The following CPZ variants were observed in gnomAD, a reference collection of about 807,000 sequenced individuals.
The protein encoded by CPZ is VEZT/CPZ fusion.
CPZ carries 103 observed loss-of-function variants against 61.8 expected under a neutral mutation model. That is an observed-to-expected ratio of 1.67 (90% CI 1.42 to 1.96). CPZ has a LOEUF of 1.96. CPZ is among the 30% of genes most tolerant of loss of function. CPZ has a pLI of 0.00. For synonymous variants in CPZ, 551 were observed against 373.7 expected, an observed-to-expected ratio of 1.47 and a Z score of -5.47; for missense variants, 1,461 against 914.9, an observed-to-expected ratio of 1.60 and a Z score of -7.70.
intron 7 of CPZ, among the ~76,000 whole-genome samples, chr4:8,611,500 A>AG (rs1190158314): frequency 6.6e-6 from 1 of 150,526 alleles, no homozygotes; most frequent in African/African-American, 2.4e-5. Flanking sequence ...GTAGTCAGGG[A>AG]GGGGCTTCCT....
intron 1 of CPZ, among the ~76,000 whole-genome samples, chr4:8,596,214 G>T (rs1157532993): frequency 6.6e-6 from 1 of 152,168 alleles, no homozygotes; most frequent in Non-Finnish European, 1.5e-5. Flanking sequence ...ACCATGCCCG[G>T]CTAATTTTTG....
chr4:8,609,254 CACTCATTCTCTT>C, intron 7 of CPZ, among the ~76,000 whole-genome samples: 1 of 80,604 alleles, frequency 1.2e-5, no homozygotes, highest in East Asian at 4.1e-4. Context: ...ACTCATCACT[CACTCATTCTCTT>C]ATTCATTCAC....
chr4:8,611,143 C>T, intron 7 of CPZ: 1 of 438,042 alleles, frequency 2.3e-6, no homozygotes, highest in Non-Finnish European at 4.7e-6. Context: ...CTAGTGTCCT[C>T]CACTCCTCCT....
At chr4:8,612,186 TGGGCGGG>T in intron 8 of CPZ, 24 bp downstream of exon 8, 1 of 179,708 alleles carries the variant, frequency 5.6e-6, no homozygotes, top group Non-Finnish European at 7.5e-6. Context: ...AGGGCGGGAC[TGGGCGGG>T]GGGTGGGGGG....
In CPZ at chr4:8,605,634, T is replaced by TTCACCC. The variant is rs1553876826; in HGVS notation, c.710-355_710-354insTCACCC. Among the ~76,000 whole-genome samples, 18 of 148,680 alleles carry TTCACCC rather than the reference T, an allele frequency of 1.2e-4. 1 individual carries two copies. Among genetic ancestry groups the TTCACCC allele is most frequent in the African/African-American group, 4.1e-4 (16 of 38,814 alleles). On this transcript the variant is annotated intron_variant, in intron 4 of 10. Coordinates refer to ENST00000360986, the MANE Select transcript of CPZ (RefSeq NM_001014447.3). ...TCCATCCATCCATCCATCATTGATA[T>TTCACCC]ATCCATTCATCCACTCAAGGGCCAA...
Position 8,619,509 on chromosome 4 carries a change from C to A in CPZ, c.1851C>A (p.Asp617Glu), listed in dbSNP as rs147028522. 8 of 1,601,608 alleles carry A rather than the reference C, an allele frequency of 5.0e-6. No homozygotes were observed. In the South Asian group the frequency reaches 5.6e-5, roughly 11 times the overall value. The change falls in exon 11 of 11, where the codon GAC (aspartate) becomes GAA (glutamate). Residue 617 changes from aspartate to glutamate, a missense_variant. Physicochemically the swap from Asp to Glu is conservative, Grantham distance 45 (BLOSUM62 2). Transcript: ENST00000360986. The part of the protein sequence containing the change: ...ASSLGEATEP[D>E]PLRARRQPSA... Reference sequence around the variant, plus strand: ...CTTTGGGGGAGGCCACGGAGCCCGACCCGCTCCGGGCGCGCAGGCAGCCCT... The same window carrying A: ...CTTTGGGGGAGGCCACGGAGCCCGAACCGCTCCGGGCGCGCAGGCAGCCCT...
chr4:8,616,720 C>G (rs530536383), intron 9 of CPZ, among the ~76,000 whole-genome samples: 1 of 152,202 alleles, frequency 6.6e-6, no homozygotes, highest in Non-Finnish European at 1.5e-5. Flanking sequence ...GGTGGCTTCT[C>G]GAGCTGTCCA....
chr4:8,618,299 G>C (rs1193928820), intron 9 of CPZ, 130 bp from the exon 10 acceptor site: 4 of 758,944 alleles, frequency 5.3e-6, no homozygotes, highest in East Asian at 2.6e-5. Flanking sequence ...AGGGCTGGCA[G>C]AGTGGGGCTC....
At chr4:8,599,526 G>A (rs1006577397) in intron 2 of CPZ, 41 bp downstream of exon 2, 1 of 1,610,884 alleles carries the variant, frequency 6.2e-7, no homozygotes, top group African/African-American at 1.3e-5. Context: ...TCTGTAGGAG[G>A]GCTGCAGCCC....
chr4:8,599,558 G>A, intron 2 of CPZ, 73 bp downstream of exon 2: 1 of 1,595,632 alleles, frequency 6.3e-7, no homozygotes, highest in Non-Finnish European at 8.5e-7. Context: ...GAGCACTTTA[G>A]GCAGCTGAAT....
intron 1 of CPZ, among the ~76,000 whole-genome samples, chr4:8,598,889 C>T (rs1714369548): frequency 6.6e-6 from 1 of 152,160 alleles, no homozygotes; most frequent in South Asian, 2.1e-4. Flanking sequence ...TGGAAGAGGG[C>T]CCCTGATTCA....
chr4:8,595,984 G>T (rs1008430351), intron 1 of CPZ, among the ~76,000 whole-genome samples: 4 of 151,394 alleles, frequency 2.6e-5, no homozygotes, highest in Admixed American at 2.6e-4. Flanking sequence ...TTCCCTTAGA[G>T]CCTTGACAGG....
rs1317047364 is a variant in CPZ at position 8,606,194 on chromosome 4, C to T, written c.906+9C>T. On this transcript the variant is annotated intron_variant, in intron 5 of 10. Coordinates refer to ENST00000360986, the MANE Select transcript of CPZ (RefSeq NM_001014447.3). ...AGGTGGCAGCTGCCGAGGTGAGCGCCCAGATGCCTGGATCCTGTGGGCCAC... is the reference window on the plus strand; with the variant it reads ...AGGTGGCAGCTGCCGAGGTGAGCGCTCAGATGCCTGGATCCTGTGGGCCAC... 2 of 1,610,836 alleles carry T rather than the reference C, an allele frequency of 1.2e-6. No homozygotes were observed. Among genetic ancestry groups the T allele is most frequent in the East Asian group, 2.2e-5 (1 of 44,758 alleles).
chr4:8,608,987 C>T lies in CPZ; in HGVS notation c.1227+1562C>T, dbSNP rs187761538. Among the ~76,000 whole-genome samples the T allele has an allele frequency of 3.8e-3, 486 of 127,782 alleles. 6 individuals are homozygous for T. The highest frequency in any genetic ancestry group is 6.0e-3 in the Non-Finnish European group (354 of 58,644). 83.8% of individuals were successfully genotyped at this position (127,782 alleles called of 152,430 possible). A position where few individuals can be genotyped will look rare whatever the true frequency, so the allele number is the denominator to read the frequency against. On this transcript the variant is annotated intron_variant, in intron 7 of 10. Transcript: ENST00000360986. ...TCCTGCATTTGTTCATTCTTCCACC[C>T]ATTCACTCTTTCACTTGTTCATCAT...
intron 2 of CPZ, among the ~76,000 whole-genome samples, chr4:8,600,302 T>G (rs1042659515): frequency 2.6e-5 from 4 of 152,164 alleles, no homozygotes; most frequent in African/African-American, 7.2e-5. Context: ...CAGGGCAATG[T>G]GAGGCAGAAA....
chr4:8,619,530 G>A lies in CPZ; in HGVS notation c.1872G>A (p.Gln624=), dbSNP rs377021105. 8.2e-6 allele frequency: 13 copies of A among 1,584,092 alleles called. No homozygotes were observed. In the African/African-American group the frequency reaches 1.6e-4, roughly 20 times the overall value. ...TEPDPLRARR[Q]PSADGSKPWW... Reference sequence around the variant, plus strand: ...CCGACCCGCTCCGGGCGCGCAGGCAGCCCTCGGCCGACGGGAGTAAGCCCT... The same window carrying A: ...CCGACCCGCTCCGGGCGCGCAGGCAACCCTCGGCCGACGGGAGTAAGCCCT... The change falls in exon 11 of 11, where the codon CAG becomes CAA. Residue 624 remains glutamine, a synonymous_variant. Transcript: ENST00000360986.
rs1430957278 is a variant in CPZ, at chr4:8,614,468, C to G, written c.1473C>G (p.Asn491Lys). 3 of 1,613,800 alleles carry G rather than the reference C, an allele frequency of 1.9e-6. No individual in the cohort carries two copies. Among genetic ancestry groups the G allele is most frequent in the African/African-American group, 2.7e-5 (2 of 74,938 alleles). The stretch of plus-strand genomic sequence containing the variant: ...CCCTGTACATACTCTGGCAGCACAA[C>G]AAGGAGTCACTCCTGAATTTCGTGG... Reference protein sequence around the residue: ...EEALYILWQHNKESLLNFVET... With the variant: ...EEALYILWQHKKESLLNFVET... The change falls in exon 9 of 11, where the codon AAC becomes AAG. Residue 491 changes from asparagine to lysine, a missense_variant. Coordinates refer to ENST00000360986, the MANE Select transcript of CPZ (RefSeq NM_001014447.3).
Position 8,604,007 on chromosome 4 carries a change from A to C in CPZ, c.528A>C (p.Ser176=), listed in dbSNP as rs536962757. ...TGGAGGCTGACGAGGCACTGCCCTC[A>C]GGGCTGCCGCCCACCTTCATCCGCT... ...GGLEADEALP[S]GLPPTFIRFS... The change falls in exon 4 of 11, where the codon TCA becomes TCC. Residue 176 remains serine (S), a synonymous_variant. Coordinates refer to ENST00000360986, the MANE Select transcript of CPZ (RefSeq NM_001014447.3). The C allele has an allele frequency of 6.2e-7, 1 of 1,612,154 alleles. No individual in the cohort carries two copies. The highest frequency in any genetic ancestry group is 2.2e-5 in the East Asian group (1 of 44,884).
intron 5 of CPZ, among the ~76,000 whole-genome samples, chr4:8,606,454 T>G (rs895111966): frequency 6.7e-6 from 1 of 150,358 alleles, no homozygotes. Context: ...CAGCGGGGGG[T>G]CAGGGTAGCT....
Sources: gnomAD v4.1 joint callset for allele counts (sites outside exome capture counted in the v4.1 genomes callset) on GRCh38, gnomAD v4.1.1 for gene constraint, MANE v1.5 for transcripts, NCBI Gene and HGNC (gene_info 2026-07-23, HGNC 2026-07-21) for gene names.